The following TBC1D22A variants were observed in gnomAD, a reference collection of about 807,000 sequenced individuals.
The protein encoded by TBC1D22A is putative GTPase activator.
Under a neutral mutation model 60.2 loss-of-function variants are expected in TBC1D22A, and 38 were observed. The observed-to-expected ratio is 0.63, with a 90% confidence interval of 0.49 to 0.83. TBC1D22A has a LOEUF of 0.83. TBC1D22A is among the 40% of genes least tolerant of loss of function. TBC1D22A has a pLI of 0.00. For missense variants in TBC1D22A, 628 were observed against 701.0 expected (o/e 0.90, Z 1.18); for synonymous variants, 302 against 281.7 (o/e 1.07, Z -0.72).
intron 6 of TBC1D22A, 120 bp downstream of exon 6, chr22:46,891,514 T>C (rs918223342): frequency 8.5e-5 from 89 of 1,049,100 alleles, no homozygotes; most frequent in Non-Finnish European, 9.4e-5. Context: ...TGCAGGTCCC[T>C]GATTAGCTCA....
chr22:47,019,989 C>T (rs958827883), intron 10 of TBC1D22A, among the ~76,000 whole-genome samples: 1 of 150,698 alleles, frequency 6.6e-6, no homozygotes, highest in Admixed American at 6.6e-5. Context: ...GCCCTCCATC[C>T]TCCCCTCTCC....
At chr22:46,800,828 C>T (rs921358686) in intron 4 of TBC1D22A, among the ~76,000 whole-genome samples, 2 of 152,090 alleles carry the variant, frequency 1.3e-5, no homozygotes, top group African/African-American at 2.4e-5. Flanking sequence ...TGGTCATTGA[C>T]GAGTCAAGGA....
At chr22:46,798,398 G>C (rs2084749479) in intron 4 of TBC1D22A, among the ~76,000 whole-genome samples, 1 of 152,232 alleles carries the variant, frequency 6.6e-6, no homozygotes, top group South Asian at 2.1e-4. Flanking sequence ...GCCCTGCAAG[G>C]GGGCAGGGGT....
intron 10 of TBC1D22A, among the ~76,000 whole-genome samples, chr22:47,017,255 A>G (rs2061939611): frequency 6.6e-6 from 1 of 152,184 alleles, no homozygotes; most frequent in Admixed American, 6.5e-5. Flanking sequence ...TTTGTATGAA[A>G]GTCACATGGG....
At chr22:46,772,120 CACATAT>C (rs199985089) in intron 1 of TBC1D22A, among the ~76,000 whole-genome samples, 82 of 87,492 alleles carry the variant, frequency 9.4e-4, no homozygotes, top group African/African-American at 3.6e-3. Flanking sequence ...TATGTATACA[CACATAT>C]ACATATATAT....
chr22:46,992,107 T>G (rs2074966345), intron 9 of TBC1D22A, among the ~76,000 whole-genome samples: 1 of 152,190 alleles, frequency 6.6e-6, no homozygotes, highest in Non-Finnish European at 1.5e-5. Flanking sequence ...TGTCCACTTT[T>G]CTCCCTGTCT....
At chr22:46,931,146 G>A (rs2071338047) in intron 8 of TBC1D22A, among the ~76,000 whole-genome samples, 1 of 152,180 alleles carries the variant, frequency 6.6e-6, no homozygotes, top group Admixed American at 6.5e-5. Context: ...TTTTATGCTT[G>A]CAGCTGATAG....
At chr22:46,824,683 G>A (rs575639489) in intron 4 of TBC1D22A, among the ~76,000 whole-genome samples, 36 of 151,944 alleles carry the variant, frequency 2.4e-4, no homozygotes, top group African/African-American at 8.7e-4. Context: ...GGCTGGAGTC[G>A]GTGGAGGTGG....
intron 4 of TBC1D22A, among the ~76,000 whole-genome samples, chr22:46,816,317 A>G (rs982310070): frequency 6.6e-6 from 1 of 152,226 alleles, no homozygotes; most frequent in Non-Finnish European, 1.5e-5. Context: ...GGCCTGGCTC[A>G]GGGCCATGCT....
chr22:46,913,046 T>G (rs16995967), intron 8 of TBC1D22A, among the ~76,000 whole-genome samples: 14,750 of 152,206 alleles, frequency 0.097, 1,442 homozygotes, highest in African/African-American at 0.25. Flanking sequence ...TTGAACAGTG[T>G]TTTAGGTTGG....
At chr22:46,960,956 A>G (rs1229207656) in intron 8 of TBC1D22A, among the ~76,000 whole-genome samples, 3 of 65,106 alleles carry the variant, frequency 4.6e-5, no homozygotes, top group Admixed American at 4.3e-4. Context: ...CACCATCTCA[A>G]AAAAAAAAAA....
At chr22:46,961,821 G>A (rs1325204409) in intron 8 of TBC1D22A, among the ~76,000 whole-genome samples, 4 of 152,206 alleles carry the variant, frequency 2.6e-5, no homozygotes, top group African/African-American at 7.2e-5. Flanking sequence ...AATTGATGGC[G>A]TCACCAGCGT....
At chr22:47,172,317 G>A (rs958647422) in intron 12 of TBC1D22A, among the ~76,000 whole-genome samples, 1 of 152,226 alleles carries the variant, frequency 6.6e-6, no homozygotes, top group Non-Finnish European at 1.5e-5. Flanking sequence ...CTGTCCAGCA[G>A]CCCTGACAGT....
intron 9 of TBC1D22A, among the ~76,000 whole-genome samples, chr22:46,991,423 G>A (rs1335080896): frequency 6.6e-6 from 1 of 152,168 alleles, no homozygotes; most frequent in Non-Finnish European, 1.5e-5. Context: ...TTCAGAATGG[G>A]TTCAGCTGCC....
At position 46,891,111 on chromosome 22, in the gene TBC1D22A, GTGT is replaced by G. The variant is rs548776519; in HGVS notation, c.709-153_709-151del. On this transcript the variant is annotated intron_variant, in intron 5 of 12. Coordinates refer to ENST00000337137, the MANE Select transcript of TBC1D22A (RefSeq NM_014346.5). ...TTCAGCTGGCTGACCTCCTCTGTGT[GTGT>G]TTCTTTTTTCCCACAATTTGTGCTC... Among the ~76,000 whole-genome samples, 36 of 152,258 alleles carry G rather than the reference GTGT, an allele frequency of 2.4e-4. 1 individual carries two copies. In the South Asian group the frequency reaches 7.3e-3, roughly 31 times the overall value.
At chr22:47,159,748 A>G (rs2067896060) in intron 12 of TBC1D22A, among the ~76,000 whole-genome samples, 1 of 151,282 alleles carries the variant, frequency 6.6e-6, no homozygotes, top group African/African-American at 2.4e-5. Flanking sequence ...TTCATCATGT[A>G]TACACACTAA....
chr22:46,776,577 A>C (rs2083715233), intron 1 of TBC1D22A, among the ~76,000 whole-genome samples: 1 of 151,770 alleles, frequency 6.6e-6, no homozygotes, highest in African/African-American at 2.4e-5. Flanking sequence ...GCTACTGTTT[A>C]TTGACCTCTT....
intron 1 of TBC1D22A, among the ~76,000 whole-genome samples, chr22:46,769,520 C>A (rs801630): frequency 0.13 from 19,333 of 152,228 alleles, 1,463 homozygotes; most frequent in African/African-American, 0.2. Context: ...GGGTGGAATG[C>A]TCATGTCCTC....
At chr22:46,999,890 TGGCA>T (rs1467521805) in intron 10 of TBC1D22A, among the ~76,000 whole-genome samples, 3 of 152,096 alleles carry the variant, frequency 2.0e-5, no homozygotes, top group Non-Finnish European at 4.4e-5. Flanking sequence ...CCGGGCGTGG[TGGCA>T]GGCGCCTGGA....
Sources: allele counts gnomAD v4.1 joint callset (sites outside exome capture counted in the v4.1 genomes callset), GRCh38; gene constraint gnomAD v4.1.1; transcripts MANE v1.5; gene names NCBI Gene and HGNC (gene_info 2026-07-23, HGNC 2026-07-21).